MCU: variants seen among roughly 807,000 people sequenced by gnomAD.
The protein encoded by MCU is calcium uniporter protein, mitochondrial.
Under a neutral mutation model 45.2 loss-of-function variants are expected in MCU, and 12 were observed. The observed-to-expected ratio is 0.27, with a 90% CI of 0.17 to 0.43. The LOEUF (loss-of-function observed/expected upper bound fraction) is 0.43. Ranked by LOEUF, MCU falls within the 20% of genes least tolerant of loss-of-function variation. The pLI, the probability that MCU is intolerant of heterozygous loss-of-function variation, is 1.00. For synonymous variants in MCU, 160 were observed against 165.1 expected, an observed-to-expected ratio of 0.97 and a Z score of 0.24; for missense variants, 324 against 436.7, an observed-to-expected ratio of 0.74 and a Z score of 2.30.
chr10:72,772,324 G>C (rs116389679), intron 1 of MCU, among the ~76,000 whole-genome samples: 1 of 152,352 alleles, frequency 6.6e-6, no homozygotes, highest in African/African-American at 2.4e-5. Flanking sequence ...AGATTAGGCA[G>C]TGGTTTGATC....
intron 1 of MCU, among the ~76,000 whole-genome samples, chr10:72,817,509 T>TTTA (rs1315910186): frequency 1.3e-5 from 2 of 152,236 alleles, no homozygotes; most frequent in Non-Finnish European, 2.9e-5. Flanking sequence ...GCATTAGAAT[T>TTTA]TTATTGTCTT....
intron 5 of MCU, among the ~76,000 whole-genome samples, chr10:72,870,349 G>A (rs1845521866): frequency 6.6e-6 from 1 of 152,154 alleles, no homozygotes; most frequent in Admixed American, 6.5e-5. Flanking sequence ...CACGATCTCG[G>A]CTCACTGCAG....
intron 1 of MCU, among the ~76,000 whole-genome samples, chr10:72,805,143 C>CTTTCTTTCTTTCTTTCT (rs1844420037): frequency 7.2e-6 from 1 of 139,780 alleles, no homozygotes; most frequent in Non-Finnish European, 1.5e-5. Flanking sequence ...TTCTTTCTTT[C>CTTTCTTTCTTTCTTTCT]TTTCTTTCTT....
chr10:72,782,235 C>T (rs1844005638), intron 1 of MCU, among the ~76,000 whole-genome samples: 1 of 152,198 alleles, frequency 6.6e-6, no homozygotes, highest in Non-Finnish European at 1.5e-5. Flanking sequence ...TAAGCTTGTC[C>T]ATTTCTACTT....
chr10:72,831,804 A>G (rs1373211298), intron 1 of MCU, among the ~76,000 whole-genome samples: 1 of 152,160 alleles, frequency 6.6e-6, no homozygotes, highest in Non-Finnish European at 1.5e-5. Context: ...GGTAATCGCT[A>G]TTGCAAAGGC....
chr10:72,704,962 G>A (rs996780965), intron 1 of MCU, among the ~76,000 whole-genome samples: 3 of 151,550 alleles, frequency 2.0e-5, no homozygotes, highest in South Asian at 2.1e-4. Flanking sequence ...CTCATAATCC[G>A]CCCGCCTCGG....
chr10:72,846,926 C>T (rs1244616077), intron 2 of MCU, among the ~76,000 whole-genome samples: 1 of 152,204 alleles, frequency 6.6e-6, no homozygotes, highest in African/African-American at 2.4e-5. Context: ...GGGAAACTTC[C>T]TCCCAGTGTG....
intron 1 of MCU, among the ~76,000 whole-genome samples, chr10:72,824,501 G>A (rs1471613010): frequency 6.6e-6 from 1 of 151,788 alleles, no homozygotes; most frequent in African/African-American, 2.4e-5. Flanking sequence ...GAGGCACCGC[G>A]CCCGGCCCAT....
intron 1 of MCU, among the ~76,000 whole-genome samples, chr10:72,765,786 C>CAAAAAAAAAAA (rs36071651): frequency 1.6e-5 from 1 of 63,220 alleles, no homozygotes. Context: ...GACGCTGTCT[C>CAAAAAAAAAAA]AAAAAAAAAA....
At chr10:72,825,451 G>A (rs187302582) in intron 1 of MCU, among the ~76,000 whole-genome samples, 1 of 152,164 alleles carries the variant, frequency 6.6e-6, no homozygotes, top group Admixed American at 6.6e-5. Context: ...TTTTTTCTAA[G>A]AACAATAACA....
chr10:72,762,399 A>G (rs1450893231), intron 1 of MCU, among the ~76,000 whole-genome samples: 2 of 152,126 alleles, frequency 1.3e-5, no homozygotes, highest in African/African-American at 4.8e-5. Context: ...TTTAAAAAAT[A>G]GATGGTATTT....
intron 1 of MCU, among the ~76,000 whole-genome samples, chr10:72,795,229 A>G (rs147864407): frequency 9.7e-4 from 148 of 152,206 alleles, no homozygotes; most frequent in African/African-American, 3.3e-3. Context: ...CTAGCTTCCA[A>G]TAAAATTTTC....
chr10:72,720,357 A>G (rs1047639228), intron 1 of MCU, among the ~76,000 whole-genome samples: 1 of 152,222 alleles, frequency 6.6e-6, no homozygotes, highest in African/African-American at 2.4e-5. Flanking sequence ...TGGAATTAGG[A>G]ATTCAGGTAT....
intron 1 of MCU, among the ~76,000 whole-genome samples, chr10:72,722,316 C>CAAAAAAAAA (rs35164146): frequency 5.0e-5 from 1 of 20,158 alleles, no homozygotes; most frequent in African/African-American, 1.2e-4. Flanking sequence ...AACTCCATCT[C>CAAAAAAAAA]AAAAAAAAAA....
chr10:72,746,184 A>G (rs752891285), intron 1 of MCU, among the ~76,000 whole-genome samples: 4 of 152,222 alleles, frequency 2.6e-5, no homozygotes, highest in Non-Finnish European at 5.9e-5. Flanking sequence ...CTATAGTTAT[A>G]GTATTCGAAT....
intron 1 of MCU, among the ~76,000 whole-genome samples, chr10:72,748,172 T>G (rs1040016191): frequency 6.6e-6 from 1 of 151,768 alleles, no homozygotes; most frequent in Admixed American, 6.6e-5. Flanking sequence ...CTCAGCCACC[T>G]GAGTAGCTGG....
chr10:72,822,826 T>G (rs1256266909), intron 1 of MCU, among the ~76,000 whole-genome samples: 1 of 151,590 alleles, frequency 6.6e-6, no homozygotes, highest in African/African-American at 2.4e-5. Flanking sequence ...GGCAACACAG[T>G]GAGACCCTGT....
intron 1 of MCU, among the ~76,000 whole-genome samples, chr10:72,804,857 A>T (rs190749402): frequency 8.5e-5 from 13 of 152,254 alleles, no homozygotes; most frequent in Middle Eastern, 3.4e-3. Flanking sequence ...CTGCAGCCTC[A>T]ATCTCCCAGG....
chr10:72,777,441 T>A (rs553830034), intron 1 of MCU, among the ~76,000 whole-genome samples: 2 of 152,276 alleles, frequency 1.3e-5, no homozygotes, highest in South Asian at 4.1e-4. Flanking sequence ...GAACATACAA[T>A]GGGGAAAGGA....
Sources: allele counts gnomAD v4.1 joint callset (sites outside exome capture counted in the v4.1 genomes callset), GRCh38; gene constraint gnomAD v4.1.1; transcripts MANE v1.5; gene names NCBI Gene and HGNC (gene_info 2026-07-23, HGNC 2026-07-21).